The following TNFSF4 variants were observed in gnomAD, a reference collection of about 807,000 sequenced individuals.
TNFSF4 encodes tumor necrosis factor ligand superfamily member 4.
In TNFSF4, 4 loss-of-function variants were observed where a neutral mutation model predicts 7.3. That is an observed-to-expected ratio of 0.55 (90% CI 0.27 to 1.25). The LOEUF (loss-of-function observed/expected upper bound fraction) is 1.25, where lower values mean the gene tolerates loss of function less well. TNFSF4 is among the 50% of genes most tolerant of loss of function. TNFSF4 has a pLI of 0.12. For missense variants in TNFSF4, 181 were observed against 208.8 expected (o/e 0.87, Z 0.82); for synonymous variants, 76 against 83.7 (o/e 0.91, Z 0.50).
chr1:173,363,748 G>A, the TNFSF4 span: 3 of 192,934 alleles, frequency 1.6e-5, no homozygotes, highest in African/African-American at 4.8e-5. Flanking sequence ...GCCACCCAGG[G>A]AGCCTCCACA....
chr1:173,274,708 C>T, the TNFSF4 span, among the ~76,000 whole-genome samples: 36 of 152,060 alleles, frequency 2.4e-4, no homozygotes, highest in African/African-American at 8.5e-4. Flanking sequence ...TGTTACACAG[C>T]AATAGAAAAT....
chr1:173,250,471 T>G, the TNFSF4 span, among the ~76,000 whole-genome samples: 6 of 150,954 alleles, frequency 4.0e-5, no homozygotes, highest in Middle Eastern at 6.8e-3. Context: ...TTGTTTTTTT[T>G]TTTTTTGAGA....
the TNFSF4 span, among the ~76,000 whole-genome samples, chr1:173,332,175 C>G: frequency 2.6e-5 from 4 of 152,182 alleles, no homozygotes; most frequent in East Asian, 7.7e-4. Flanking sequence ...TGACTGTAAT[C>G]CTGAGCAGAC....
At chr1:173,360,073 CT>C in the TNFSF4 span, among the ~76,000 whole-genome samples, 2 of 152,282 alleles carry the variant, frequency 1.3e-5, no homozygotes, top group Admixed American at 6.5e-5. Flanking sequence ...AGCAGCCATA[CT>C]GCTAATCAAT....
the TNFSF4 span, among the ~76,000 whole-genome samples, chr1:173,407,340 A>G: frequency 0.3 from 46,071 of 151,702 alleles, 9,186 homozygotes; most frequent in African/African-American, 0.54. Context: ...TTGGGAGGCC[A>G]AGGTGGGCAA....
At chr1:173,367,968 G>T in the TNFSF4 span, among the ~76,000 whole-genome samples, 1 of 152,224 alleles carries the variant, frequency 6.6e-6, no homozygotes. Context: ...CTGTAGCTAG[G>T]ATTGTAAAAT....
the TNFSF4 span, among the ~76,000 whole-genome samples, chr1:173,242,841 A>G: frequency 6.6e-6 from 1 of 152,134 alleles, no homozygotes; most frequent in South Asian, 2.1e-4. Context: ...CTGCTGTGAG[A>G]CTCATGTACT....
the TNFSF4 span, among the ~76,000 whole-genome samples, chr1:173,449,331 C>G: frequency 3.3e-5 from 5 of 150,220 alleles, no homozygotes; most frequent in Admixed American, 3.3e-4. Context: ...TCAGGTATTT[C>G]TCTTTTCTTC....
the TNFSF4 span, among the ~76,000 whole-genome samples, chr1:173,424,438 T>G: frequency 1.3e-5 from 2 of 152,240 alleles, no homozygotes; most frequent in Non-Finnish European, 2.9e-5. Flanking sequence ...CTACTAGTGC[T>G]TATCACTTCA....
chr1:173,363,175 T>C, the TNFSF4 span: 1 of 289,542 alleles, frequency 3.5e-6, no homozygotes, highest in Non-Finnish European at 7.0e-6. Context: ...CTCCCATTCA[T>C]AAAGATCCAA....
the TNFSF4 span, among the ~76,000 whole-genome samples, chr1:173,220,989 C>G: frequency 9.9e-5 from 15 of 152,160 alleles, no homozygotes; most frequent in Admixed American, 3.3e-4. Flanking sequence ...ATTGGGCCAT[C>G]AAAGGCCTCT....
chr1:173,237,798 G>A, the TNFSF4 span, among the ~76,000 whole-genome samples: 1 of 152,082 alleles, frequency 6.6e-6, no homozygotes, highest in Non-Finnish European at 1.5e-5. Context: ...CTCATTGATA[G>A]GAAGAATCAA....
At chr1:173,422,999 C>T in the TNFSF4 span, among the ~76,000 whole-genome samples, 1 of 151,532 alleles carries the variant, frequency 6.6e-6, no homozygotes, top group African/African-American at 2.4e-5. Flanking sequence ...GACAGAGTCT[C>T]GCTCTGTTGC....
chr1:173,415,801 T>C, the TNFSF4 span, among the ~76,000 whole-genome samples: 1 of 152,090 alleles, frequency 6.6e-6, no homozygotes, highest in Admixed American at 6.5e-5. Flanking sequence ...ATGCAAATGC[T>C]CTTTCTAACT....
At chr1:173,372,912 G>A in the TNFSF4 span, among the ~76,000 whole-genome samples, 3 of 152,108 alleles carry the variant, frequency 2.0e-5, no homozygotes, top group African/African-American at 4.8e-5. Context: ...CCTATATACC[G>A]ATGGAAGTTC....
the TNFSF4 span, among the ~76,000 whole-genome samples, chr1:173,411,074 G>A: frequency 6.6e-6 from 1 of 152,348 alleles, no homozygotes; most frequent in Admixed American, 6.5e-5. Flanking sequence ...CGCTTTGGCC[G>A]CTTGACGTGT....
chr1:173,441,412 C>G, the TNFSF4 span, among the ~76,000 whole-genome samples: 1 of 152,142 alleles, frequency 6.6e-6, no homozygotes, highest in Non-Finnish European at 1.5e-5. Flanking sequence ...TGCCTGAGCT[C>G]AAGAGTTTGA....
chr1:173,283,867 A>G, the TNFSF4 span, among the ~76,000 whole-genome samples: 4,275 of 151,644 alleles, frequency 0.028, 176 homozygotes, highest in African/African-American at 0.092. Context: ...ATAATAGTAC[A>G]TAGGTCAAAA....
rs1649220618 is a variant in TNFSF4 at position 173,186,261 on chromosome 1, T to C, written c.*255A>G. The stretch of plus-strand genomic sequence containing the variant: ...TTTTCTTTCTCACAAAGGTGCCTAG[T>C]AGGCTCAAGGCAATCTTGGGGTGTG... On this transcript the variant is annotated 3_prime_UTR_variant, in exon 3 of 3. Transcript: ENST00000281834. 2 of 391,902 alleles carry C rather than the reference T, an allele frequency of 5.1e-6. No individual in the cohort carries two copies. The highest frequency in any genetic ancestry group is 9.1e-6 in the Non-Finnish European group (2 of 219,966). 24.3% of individuals were successfully genotyped at this position (391,902 alleles called of 1,614,324 possible). A position where few individuals can be genotyped will look rare whatever the true frequency, so the allele number is the denominator to read the frequency against.
Sources: gnomAD v4.1 joint callset for allele counts (sites outside exome capture counted in the v4.1 genomes callset) on GRCh38, gnomAD v4.1.1 for gene constraint, MANE v1.5 for transcripts, NCBI Gene and HGNC (gene_info 2026-07-23, HGNC 2026-07-21) for gene names.